SPIRE1: variants seen among roughly 807,000 people sequenced by gnomAD.
SPIRE1 encodes the protein spire type actin nucleation factor 1.
SPIRE1 carries 40 observed loss-of-function variants against 94.1 expected under a neutral mutation model. The observed-to-expected ratio is 0.43, with a 90% CI of 0.33 to 0.55. SPIRE1 has a LOEUF of 0.55. SPIRE1 is among the 20% of genes least tolerant of loss of function. The probability of loss-of-function intolerance (pLI) is 0.06; values close to 1 mark genes in which losing one functional copy is unlikely to be tolerated. For missense variants in SPIRE1, 838 were observed against 975.2 expected, an observed-to-expected ratio of 0.86 and a Z score of 1.87; for synonymous variants, 376 against 371.7, an observed-to-expected ratio of 1.01 and a Z score of -0.13.
chr18:12,474,490 G>C (rs571866721), intron 10 of SPIRE1, among the ~76,000 whole-genome samples: 32 of 152,302 alleles, frequency 2.1e-4, no homozygotes, highest in Non-Finnish European at 2.8e-4. Flanking sequence ...CTGTACTTCT[G>C]TGTAAGTCTG....
chr18:12,589,880 A>G (rs951951151), intron 2 of SPIRE1, among the ~76,000 whole-genome samples: 4 of 152,240 alleles, frequency 2.6e-5, no homozygotes, highest in African/African-American at 9.6e-5. Context: ...TAATGCAACA[A>G]TGATATCCAC....
At chr18:12,509,563 GC>G (rs1361249202) in intron 5 of SPIRE1, among the ~76,000 whole-genome samples, 2 of 152,054 alleles carry the variant, frequency 1.3e-5, no homozygotes, top group Non-Finnish European at 2.9e-5. Flanking sequence ...GACAATGTAG[GC>G]AAGTATTTTT....
chr18:12,451,914 CAAG>C (rs2031257211), intron 16 of SPIRE1, among the ~76,000 whole-genome samples: 1 of 152,120 alleles, frequency 6.6e-6, no homozygotes, highest in Admixed American at 6.5e-5. Flanking sequence ...CAAAACTAGA[CAAG>C]GAGGAAAGGA....
chr18:12,511,069 A>G (rs763082568), intron 5 of SPIRE1, among the ~76,000 whole-genome samples: 5 of 152,196 alleles, frequency 3.3e-5, no homozygotes, highest in Non-Finnish European at 7.3e-5. Context: ...GAGAGAGCTC[A>G]TATTGTTTAT....
intron 2 of SPIRE1, among the ~76,000 whole-genome samples, chr18:12,568,338 T>G (rs1452762927): frequency 6.6e-6 from 1 of 152,250 alleles, no homozygotes. Flanking sequence ...GCTGTCCAGC[T>G]ATACTGATTT....
At chr18:12,537,876 T>C (rs1036716519) in intron 3 of SPIRE1, among the ~76,000 whole-genome samples, 34 of 152,142 alleles carry the variant, frequency 2.2e-4, no homozygotes, top group African/African-American at 8.0e-4. Context: ...CAGAAAGACA[T>C]CTTGTACTCA....
rs771560071 is a variant in SPIRE1 at position 12,446,831 on chromosome 18, G to A, written c.*2807C>T. ...AAAAATTTCATAGTACGAGTTCATGGTGCTAATAACAGAATCTCTTTAAAC... is the reference window on the plus strand; with the variant it reads ...AAAAATTTCATAGTACGAGTTCATGATGCTAATAACAGAATCTCTTTAAAC... On this transcript the variant is annotated 3_prime_UTR_variant, in exon 17 of 17. Transcript: ENST00000409402. 1.1e-4 allele frequency: 16 copies of A among 152,132 alleles called. No individual in the cohort carries two copies. The highest frequency in any genetic ancestry group is 2.0e-4 in the Admixed American group (3 of 15,260). 9.4% of individuals were successfully genotyped at this position (152,132 alleles called of 1,614,324 possible).
intron 3 of SPIRE1, among the ~76,000 whole-genome samples, chr18:12,546,094 A>G (rs2035157909): frequency 6.6e-6 from 1 of 151,950 alleles, no homozygotes; most frequent in South Asian, 2.1e-4. Context: ...GGTTCACGCC[A>G]TTCTCCTGCC....
At chr18:12,603,574 A>T (rs1598518501) in intron 2 of SPIRE1, among the ~76,000 whole-genome samples, 2 of 138,378 alleles carry the variant, frequency 1.4e-5, no homozygotes. Flanking sequence ...CCAGTAGCCA[A>T]TTTTTTTTTT....
intron 4 of SPIRE1, among the ~76,000 whole-genome samples, chr18:12,521,831 C>T (rs2034369789): frequency 6.6e-6 from 1 of 151,880 alleles, no homozygotes; most frequent in Non-Finnish European, 1.5e-5. Context: ...TTACTATTGT[C>T]ATTGCTTTGG....
At chr18:12,624,690 C>G (rs2037572060) in intron 2 of SPIRE1, among the ~76,000 whole-genome samples, 2 of 151,314 alleles carry the variant, frequency 1.3e-5, no homozygotes, top group South Asian at 2.1e-4. Context: ...CAAAAATTAG[C>G]CAGGCATGGT....
At chr18:12,591,264 A>G (rs2036526976) in intron 2 of SPIRE1, among the ~76,000 whole-genome samples, 1 of 152,224 alleles carries the variant, frequency 6.6e-6, no homozygotes, top group Admixed American at 6.5e-5. Flanking sequence ...CTGCCAGTGC[A>G]AAGGCCCTGA....
intron 4 of SPIRE1, among the ~76,000 whole-genome samples, chr18:12,521,642 C>T (rs929801495): frequency 1.7e-4 from 26 of 152,190 alleles, no homozygotes; most frequent in Admixed American, 8.5e-4. Context: ...GGCCAGATAT[C>T]GTGTTTTTAC....
chr18:12,569,510 G>A (rs1374981175), intron 2 of SPIRE1, among the ~76,000 whole-genome samples: 2 of 152,008 alleles, frequency 1.3e-5, no homozygotes, highest in African/African-American at 4.8e-5. Context: ...GACAAGGGGG[G>A]CTACCAGAAA....
intron 5 of SPIRE1, among the ~76,000 whole-genome samples, chr18:12,509,569 A>T (rs1382968847): frequency 3.3e-5 from 5 of 152,302 alleles, no homozygotes; most frequent in African/African-American, 1.2e-4. Flanking sequence ...GTAGGCAAGT[A>T]TTTTTGTTTT....
intron 2 of SPIRE1, among the ~76,000 whole-genome samples, chr18:12,633,624 G>T (rs908944341): frequency 5.3e-5 from 8 of 151,420 alleles, no homozygotes; most frequent in Non-Finnish European, 1.2e-4. Flanking sequence ...TGCCAAAAGG[G>T]ATAAATTATT....
At chr18:12,519,597 A>G (rs547034067) in intron 4 of SPIRE1, among the ~76,000 whole-genome samples, 47 of 118,192 alleles carry the variant, frequency 4.0e-4, no homozygotes, top group African/African-American at 1.2e-3. Flanking sequence ...ATTATATCAC[A>G]AAGTTATTTT....
chr18:12,624,243 A>G (rs982534846), intron 2 of SPIRE1, among the ~76,000 whole-genome samples: 1 of 151,886 alleles, frequency 6.6e-6, no homozygotes, highest in Admixed American at 6.6e-5. Flanking sequence ...TTATTAAAAA[A>G]AAAAAAACAT....
chr18:12,597,512 T>C (rs2036711444), intron 2 of SPIRE1, among the ~76,000 whole-genome samples: 7 of 152,230 alleles, frequency 4.6e-5, no homozygotes, highest in South Asian at 2.1e-4. Flanking sequence ...ATTTGAACTA[T>C]ATCTCTGGGC....
Sources: allele counts gnomAD v4.1 joint callset (sites outside exome capture counted in the v4.1 genomes callset), GRCh38; gene constraint gnomAD v4.1.1; transcripts MANE v1.5; gene names NCBI Gene and HGNC (gene_info 2026-07-23, HGNC 2026-07-21).